Variants in DYRK2 observed in about 807,000 individuals in gnomAD.
DYRK2 encodes the protein dual specificity tyrosine-phosphorylation-regulated kinase 2.
DYRK2 carries 12 observed loss-of-function variants against 41.6 expected under a neutral mutation model. The ratio of observed to expected loss-of-function variants is 0.29; its 90% CI spans 0.18 to 0.47. DYRK2 has a LOEUF of 0.47. DYRK2 is among the 20% of genes least tolerant of loss of function. The pLI, the probability that DYRK2 is intolerant of heterozygous loss-of-function variation, is 1.00. For missense variants in DYRK2, 678 were observed against 798.4 expected, an observed-to-expected ratio of 0.85 and a Z score of 1.82; for synonymous variants, 322 against 315.7, an observed-to-expected ratio of 1.02 and a Z score of -0.21.
Position 67,658,352 on chromosome 12 carries a change from C to T in DYRK2, c.1445C>T (p.Ser482Phe). 6.2e-7 allele frequency: 1 copy of T among 1,611,972 alleles called. No homozygotes were observed. The highest frequency in any genetic ancestry group is 8.5e-7 in the Non-Finnish European group (1 of 1,178,788). The change falls in exon 3 of 3, where the codon TCC becomes TTC. Residue 482 changes from serine (S) to phenylalanine (F), a missense_variant. By Grantham distance (155) the Ser-to-Phe change is radical. This residue lies in a region of DYRK2 where 393 missense variants were observed against 519.1 expected (regional missense o/e 0.76). Coordinates refer to ENST00000344096, the MANE Select transcript of DYRK2 (RefSeq NM_006482.3). The surrounding 1 kb of genome is among the most constrained non-coding windows in gnomAD (Gnocchi z 4.3). Reference protein sequence around the residue: ...DGSVVLNGGRSRRGKLRGPPE... With the variant: ...DGSVVLNGGRFRRGKLRGPPE... ...TCTGTGGTCCTAAACGGAGGCCGTT[C>T]CCGGAGGGGGAAACTGAGGGGCCCA...
In DYRK2 at chr12:67,658,230, C is replaced by T. The variant is rs769117431; in HGVS notation, c.1323C>T (p.Pro441=). ...GTATGATTGAACTGTTGGGCATGCC[C>T]TCACAGAAACTGCTGGATGCATCCA... is the stretch of plus-strand genomic sequence containing the variant. ...LACMIELLGM[P]SQKLLDASKR... The change falls in exon 3 of 3, where the codon CCC becomes CCT. Residue 441 remains proline (P), a synonymous_variant. Transcript: ENST00000344096. The surrounding 1 kb of genome is among the most constrained non-coding windows in gnomAD (Gnocchi z 4.3). 1 of 1,614,170 alleles carries T rather than the reference C, an allele frequency of 6.2e-7. No homozygotes were observed. Among genetic ancestry groups the T allele is most frequent in the South Asian group, 1.1e-5 (1 of 91,078 alleles).
In DYRK2 at chr12:67,649,789, G is replaced by T; in HGVS notation, c.50-8G>T. The T allele has an allele frequency of 7.6e-7, 1 of 1,314,134 alleles. No homozygotes were observed. The highest frequency in any genetic ancestry group is 9.8e-7 in the Non-Finnish European group (1 of 1,024,536). The allele number at this position is 1,314,134 out of a possible 1,614,324, so 81.4% of individuals were successfully genotyped here. A position where few individuals can be genotyped will look rare whatever the true frequency, so the allele number is the denominator to read the frequency against. ...CCTCTTTTGTCTCCTCCCGCACGTG[G>T]CTTCCAGGCCGAGGTGGGGACAGCG... is the stretch of plus-strand genomic sequence containing the variant. On this transcript the variant is annotated splice_region_variant and splice_polypyrimidine_tract_variant and intron_variant, in intron 1 of 2. Transcript: ENST00000344096.
At chr12:67,651,332 C>T (rs1249843146) in intron 2 of DYRK2, 5 of 255,434 alleles carry the variant, frequency 2.0e-5, no homozygotes, top group Non-Finnish European at 3.1e-5. Context: ...CAGTTTTTTG[C>T]TATGTGTTGA....
intron 2 of DYRK2, among the ~76,000 whole-genome samples, chr12:67,650,699 A>G (rs946723570): frequency 2.0e-5 from 3 of 152,196 alleles, no homozygotes; most frequent in South Asian, 4.1e-4. Context: ...GAGACTGGCA[A>G]GCTGGATTCG....
chr12:67,664,866 T>C lies in DYRK2; in HGVS notation c.*6153T>C, dbSNP rs933040468. The C allele has an allele frequency of 9.9e-5, 15 of 152,152 alleles. No homozygotes were observed. The highest frequency in any genetic ancestry group is 1.9e-4 in the Non-Finnish European group (13 of 68,010). 9.4% of individuals were successfully genotyped at this position (152,152 alleles called of 1,614,324 possible). ...GTAAGAGAGTGACTTCTCATTGTTA[T>C]TTGTGGAGAGGCTAATTATAGTAGC... On this transcript the variant is annotated 3_prime_UTR_variant, in exon 3 of 3. Coordinates refer to ENST00000344096, the MANE Select transcript of DYRK2 (RefSeq NM_006482.3).
In DYRK2 at chr12:67,657,157, G is replaced by A. The variant is rs775477051; in HGVS notation, c.250G>A (p.Ala84Thr). 7.5e-6 allele frequency: 12 copies of A among 1,594,138 alleles called. No homozygotes were observed. Among genetic ancestry groups the A allele is most frequent in the South Asian group, 1.1e-5 (1 of 87,752 alleles). Residue 84 changes from alanine to threonine, a missense_variant, in exon 3 of 3, where the codon GCT becomes ACT. Physicochemically the swap from Ala to Thr is moderately conservative, Grantham distance 58. This residue lies in a region of DYRK2 where 285 missense variants were observed against 279.2 expected (regional missense o/e 1.02). Coordinates refer to ENST00000344096, the MANE Select transcript of DYRK2 (RefSeq NM_006482.3). This position sits in a 1 kb window ranked among gnomAD's most constrained non-coding sequence, Gnocchi z 4.8. ...TGATCACCTGCATGTCGGCAGCCAC[G>A]CTCACGGACAGATCCAGGTTCAACA... ...MNDHLHVGSH[A>T]HGQIQVQQLF... is the part of the protein sequence containing the mutation.
intron 2 of DYRK2, among the ~76,000 whole-genome samples, chr12:67,654,283 T>C (rs1485579705): frequency 1.3e-5 from 2 of 152,212 alleles, no homozygotes; most frequent in Non-Finnish European, 2.9e-5. Flanking sequence ...CAGTAGTTGA[T>C]GAGAATGGAA....
chr12:67,664,723 T>TA lies in DYRK2; in HGVS notation c.*6011dup, dbSNP rs1872704898. 6.6e-6 allele frequency: 1 copy of TA among 152,136 alleles called. No individual in the cohort carries two copies. Among genetic ancestry groups the TA allele is most frequent in the African/African-American group, 2.4e-5 (1 of 41,430 alleles). The allele number at this position is 152,136 out of a possible 1,614,324, so 9.4% of individuals were successfully genotyped here. Reference sequence around the variant, plus strand: ...GGGCATTTCTATTATTTAAGTTACATATCAGTTTCCAGGAATATTTTTCAA... The same window carrying TA: ...GGGCATTTCTATTATTTAAGTTACATAATCAGTTTCCAGGAATATTTTTCAA... On this transcript the variant is annotated 3_prime_UTR_variant, in exon 3 of 3. Transcript: ENST00000344096.
Position 67,658,235 on chromosome 12 carries a change from A to C in DYRK2, c.1328A>C (p.Gln443Pro). The change falls in exon 3 of 3, where the codon CAG (glutamine) becomes CCG (proline). Residue 443 changes from glutamine (Q) to proline (P), a missense_variant. Transcript: ENST00000344096. The surrounding 1 kb of genome is among the most constrained non-coding windows in gnomAD (Gnocchi z 4.3). ...ATTGAACTGTTGGGCATGCCCTCACAGAAACTGCTGGATGCATCCAAACGA... is the reference window on the plus strand; with the variant it reads ...ATTGAACTGTTGGGCATGCCCTCACCGAAACTGCTGGATGCATCCAAACGA... Reference protein sequence around the residue: ...CMIELLGMPSQKLLDASKRAK... With the variant: ...CMIELLGMPSPKLLDASKRAK... 6.2e-7 allele frequency: 1 copy of C among 1,614,222 alleles called. No individual in the cohort carries two copies. Among genetic ancestry groups the C allele is most frequent in the Non-Finnish European group, 8.5e-7 (1 of 1,180,046 alleles).
intron 2 of DYRK2, among the ~76,000 whole-genome samples, chr12:67,653,345 A>C (rs936075479): frequency 2.6e-5 from 4 of 152,136 alleles, no homozygotes; most frequent in African/African-American, 7.2e-5. Flanking sequence ...TTTATAAGTC[A>C]GTTAATTGTG....
rs1215457876 is a variant in DYRK2, at chr12:67,663,293, A to G, written c.*4580A>G. 2.0e-5 allele frequency: 3 copies of G among 152,110 alleles called. No homozygotes were observed. The highest frequency in any genetic ancestry group is 4.4e-5 in the Non-Finnish European group (3 of 67,994). The allele number at this position is 152,110 out of a possible 1,614,324, so 9.4% of individuals were successfully genotyped here. A position where few individuals can be genotyped will look rare whatever the true frequency, so the allele number is the denominator to read the frequency against. ...CAAGTTCAGTTAGTACCAAGCTAAG[A>G]GTTTACTTACAGATGACAGCAAGCA... On this transcript the variant is annotated 3_prime_UTR_variant, in exon 3 of 3. Coordinates refer to ENST00000344096, the MANE Select transcript of DYRK2 (RefSeq NM_006482.3).
intron 1 of DYRK2, 26 bp from the exon 2 acceptor site, chr12:67,649,771 T>C (rs201364445): frequency 1.5e-6 from 2 of 1,312,566 alleles, no homozygotes; most frequent in Admixed American, 6.1e-5. Context: ...GACCCTCTTT[T>C]GTCTCCTCCC....
In DYRK2 at chr12:67,649,571, C is replaced by T. The variant is rs945049659; in HGVS notation, c.50-226C>T. The stretch of plus-strand genomic sequence containing the variant: ...GCGCGGCCCGGCTCCCCCGCCGGGT[C>T]GCGAACTCGCGCGCCAGGGCCCCAC... On this transcript the variant is annotated intron_variant, in intron 1 of 2. Transcript: ENST00000344096. 6.4e-5 allele frequency: 30 copies of T among 469,710 alleles called. No homozygotes were observed. In the East Asian group the frequency reaches 6.7e-4, roughly 10 times the overall value. 29.1% of individuals were successfully genotyped at this position (469,710 alleles called of 1,614,324 possible).
Position 67,649,176 on chromosome 12 carries a change from C to G in DYRK2, c.43C>G (p.Pro15Ala), listed in dbSNP as rs1872227514. The G allele has an allele frequency of 1.3e-6, 2 of 1,511,238 alleles. No individual in the cohort carries two copies. The highest frequency in any genetic ancestry group is 1.8e-6 in the Non-Finnish European group (2 of 1,125,488). The allele number at this position is 1,511,238 out of a possible 1,614,324, so 93.6% of individuals were successfully genotyped here. ...KPSAAAPAAY[P>A]TGRGGDSAVR... ...TTCGGCCGCCGCTCCCGCCGCCTACCCGACCGGTAAGGAGGCCGTGCCGCC... is the reference window on the plus strand; with the variant it reads ...TTCGGCCGCCGCTCCCGCCGCCTACGCGACCGGTAAGGAGGCCGTGCCGCC... The change falls in exon 1 of 3, where the codon CCG becomes GCG. Residue 15 changes from proline (P) to alanine (A), a missense_variant. Physicochemically the swap from Pro to Ala is conservative, Grantham distance 27. Coordinates refer to ENST00000344096, the MANE Select transcript of DYRK2 (RefSeq NM_006482.3).
chr12:67,650,044 G>A lies in DYRK2; in HGVS notation c.198+99G>A, dbSNP rs562256886. On this transcript the variant is annotated intron_variant, in intron 2 of 2. Coordinates refer to ENST00000344096, the MANE Select transcript of DYRK2 (RefSeq NM_006482.3). Reference sequence around the variant, plus strand: ...GGGGTCTGACGCCGGGAGAAGAGGGGTCGAGATACAAGCAGCCCCACGCCT... The same window carrying A: ...GGGGTCTGACGCCGGGAGAAGAGGGATCGAGATACAAGCAGCCCCACGCCT... 4.9e-4 allele frequency: 587 copies of A among 1,200,560 alleles called. 3 individuals are homozygous for A. The African/African-American group carries it at 8.5e-3, about 17-fold the overall frequency. The allele number at this position is 1,200,560 out of a possible 1,614,324, so 74.4% of individuals were successfully genotyped here. A position where few individuals can be genotyped will look rare whatever the true frequency, so the allele number is the denominator to read the frequency against.
intron 2 of DYRK2, among the ~76,000 whole-genome samples, chr12:67,652,115 T>TA (rs1485610252): frequency 2.0e-5 from 3 of 152,210 alleles, no homozygotes; most frequent in African/African-American, 7.2e-5. Context: ...CATTTTCTCT[T>TA]ACAGGTGATA....
At position 67,661,613 on chromosome 12, in the gene DYRK2, C is replaced by T. The variant is rs1395629501; in HGVS notation, c.*2900C>T. 6.0e-6 allele frequency: 1 copy of T among 166,968 alleles called. No individual in the cohort carries two copies. The highest frequency in any genetic ancestry group is 1.5e-5 in the Non-Finnish European group (1 of 68,084). 10.3% of individuals were successfully genotyped at this position (166,968 alleles called of 1,614,324 possible). The stretch of plus-strand genomic sequence containing the variant: ...AATTCTAGTCAGTAAGAATGGAACC[C>T]ATCTCTGCAAAGATACATCTGTCTT... On this transcript the variant is annotated 3_prime_UTR_variant, in exon 3 of 3. Coordinates refer to ENST00000344096, the MANE Select transcript of DYRK2 (RefSeq NM_006482.3).
At position 67,660,512 on chromosome 12, in the gene DYRK2, G is replaced by T. The variant is rs975159200; in HGVS notation, c.*1799G>T. 1 of 167,016 alleles carries T rather than the reference G, an allele frequency of 6.0e-6. No homozygotes were observed. The highest frequency in any genetic ancestry group is 1.5e-5 in the Non-Finnish European group (1 of 68,100). 10.3% of individuals were successfully genotyped at this position (167,016 alleles called of 1,614,324 possible). On this transcript the variant is annotated 3_prime_UTR_variant, in exon 3 of 3. Coordinates refer to ENST00000344096, the MANE Select transcript of DYRK2 (RefSeq NM_006482.3). ...AGTGATATTTGCTTTACTATTTAAG[G>T]TGTCACTGATAAATTAATTTGTACT...
At position 67,660,731 on chromosome 12, in the gene DYRK2, T is replaced by G. The variant is rs1317222700; in HGVS notation, c.*2018T>G. On this transcript the variant is annotated 3_prime_UTR_variant, in exon 3 of 3. Transcript: ENST00000344096. ...TATATTAGATTTTGGCTTAAAGGCA[T>G]GAGAAGTATAAGACTTGGTTTGGTG... is the stretch of plus-strand genomic sequence containing the variant. 1 of 167,056 alleles carries G rather than the reference T, an allele frequency of 6.0e-6. No individual in the cohort carries two copies. The highest frequency in any genetic ancestry group is 1.5e-5 in the Non-Finnish European group (1 of 68,120). 10.3% of individuals were successfully genotyped at this position (167,056 alleles called of 1,614,324 possible). A position where few individuals can be genotyped will look rare whatever the true frequency, so the allele number is the denominator to read the frequency against.
Sources: allele counts gnomAD v4.1 joint callset (sites outside exome capture counted in the v4.1 genomes callset), GRCh38; gene constraint gnomAD v4.1.1; regional missense constraint gnomAD v4.1.1; non-coding constraint Gnocchi (gnomAD v3.1); transcripts MANE v1.5; gene names NCBI Gene and HGNC (gene_info 2026-07-23, HGNC 2026-07-21).